Variants in RBFOX2 observed in about 807,000 individuals in gnomAD.
The protein encoded by RBFOX2 is RNA binding fox-1 homolog 2, also known as RNA binding protein fox-1 homolog 2.
A neutral mutation model predicts 49.1 loss-of-function variants in RBFOX2; 10 were observed. The observed-to-expected ratio is 0.20, with a 90% confidence interval of 0.13 to 0.35. The LOEUF is 0.35. Among genes scored for constraint, RBFOX2 ranks in the 10% least tolerant of loss-of-function variants. The pLI is 1.00. For missense variants in RBFOX2, 323 were observed against 486.9 expected, an observed-to-expected ratio of 0.66 and a Z score of 3.17; for synonymous variants, 183 against 187.4, an observed-to-expected ratio of 0.98 and a Z score of 0.19.
At chr22:35,985,688 A>G (rs1016752887) in intron 1 of RBFOX2, among the ~76,000 whole-genome samples, 2 of 152,202 alleles carry the variant, frequency 1.3e-5, no homozygotes, top group Non-Finnish European at 2.9e-5. Flanking sequence ...TAATTCTAAC[A>G]GTCTATGGCT....
upstream of RBFOX2, among the ~76,000 whole-genome samples, chr22:35,845,368 T>A: frequency 6.6e-6 from 1 of 151,694 alleles, no homozygotes; most frequent in African/African-American, 2.4e-5. Context: ...TTAGGCAGAG[T>A]TCAGTCATAT....
chr22:35,827,917 A>G (rs1003144731), intron 1 of RBFOX2, among the ~76,000 whole-genome samples: 4 of 152,232 alleles, frequency 2.6e-5, no homozygotes, highest in Admixed American at 1.3e-4. Flanking sequence ...CTGTAATCCC[A>G]GCACTTTGGG....
At chr22:36,028,617 C>T (rs1296959038) in exon 1 of RBFOX2, among the ~76,000 whole-genome samples, 2 of 149,648 alleles carry the variant, frequency 1.3e-5, no homozygotes, top group African/African-American at 2.4e-5. Context: ...TGACCGCTTG[C>T]TCCCCGCCCG....
chr22:35,828,893 G>A (rs1343523820), intron 1 of RBFOX2, among the ~76,000 whole-genome samples: 1 of 151,818 alleles, frequency 6.6e-6, no homozygotes, highest in Non-Finnish European at 1.5e-5. Context: ...CTACTAAAAA[G>A]ACAAAAAATT....
chr22:35,875,733 G>A (rs1394599871), intron 1 of RBFOX2, among the ~76,000 whole-genome samples: 2 of 148,928 alleles, frequency 1.3e-5, no homozygotes, highest in South Asian at 2.2e-4. Flanking sequence ...GACAAGTCCC[G>A]ACTACCCTTT....
intron 1 of RBFOX2, among the ~76,000 whole-genome samples, chr22:35,827,968 C>T (rs1431457601): frequency 6.6e-6 from 1 of 152,094 alleles, no homozygotes; most frequent in Non-Finnish European, 1.5e-5. Context: ...GGAGTTCGAC[C>T]TGGCCAACAA....
chr22:35,882,657 C>T (rs1355981680), intron 1 of RBFOX2, among the ~76,000 whole-genome samples: 1 of 152,066 alleles, frequency 6.6e-6, no homozygotes, highest in Non-Finnish European at 1.5e-5. Context: ...GAGATAGGAC[C>T]TAGTATACAA....
chr22:35,870,246 T>G (rs906675035), intron 1 of RBFOX2, among the ~76,000 whole-genome samples: 1 of 152,224 alleles, frequency 6.6e-6, no homozygotes, highest in African/African-American at 2.4e-5. Flanking sequence ...CGGTGGCTCA[T>G]GCTTGCCATC....
chr22:35,979,833 A>C (rs1264658959), intron 1 of RBFOX2, among the ~76,000 whole-genome samples: 1 of 152,266 alleles, frequency 6.6e-6, no homozygotes, highest in Non-Finnish European at 1.5e-5. Flanking sequence ...AACAAGTGTC[A>C]GTGCCATACT....
chr22:35,884,290 C>A (rs2046304428), intron 1 of RBFOX2, among the ~76,000 whole-genome samples: 1 of 152,182 alleles, frequency 6.6e-6, no homozygotes, highest in Non-Finnish European at 1.5e-5. Context: ...AGCCACCACA[C>A]CCGGCCTAGT....
intron 1 of RBFOX2, among the ~76,000 whole-genome samples, chr22:35,810,540 A>C (rs1364896618): frequency 4.6e-5 from 7 of 152,226 alleles, no homozygotes. Flanking sequence ...ACACATCCCA[A>C]GAGAAAAACA....
At chr22:35,821,469 A>C (rs112244217) in intron 1 of RBFOX2, among the ~76,000 whole-genome samples, 2 of 151,660 alleles carry the variant, frequency 1.3e-5, no homozygotes, top group Non-Finnish European at 2.9e-5. Flanking sequence ...AGTGGAGGAC[A>C]CCTGCAATCC....
intron 1 of RBFOX2, among the ~76,000 whole-genome samples, chr22:35,908,321 T>C (rs537954481): frequency 6.6e-6 from 1 of 152,300 alleles, no homozygotes; most frequent in African/African-American, 2.4e-5. Context: ...CATCATAAGT[T>C]GAAAATATAG....
intron 1 of RBFOX2, among the ~76,000 whole-genome samples, chr22:35,972,434 C>CA (rs386395333): frequency 0.21 from 28,743 of 139,220 alleles, 4,215 homozygotes; most frequent in African/African-American, 0.43. Flanking sequence ...AATGCTTCCT[C>CA]AAAAAAAAAA....
At chr22:35,938,787 C>A (rs1430720230) in intron 1 of RBFOX2, 60 bp downstream of exon 2, 3 of 1,485,594 alleles carry the variant, frequency 2.0e-6, no homozygotes, top group Admixed American at 3.4e-5. Context: ...ATCATAGCAA[C>A]CCTTTGATGA....
intron 1 of RBFOX2, among the ~76,000 whole-genome samples, chr22:35,837,661 AAATACGCTGG>A (rs1957933091): frequency 6.6e-6 from 1 of 152,206 alleles, no homozygotes; most frequent in Admixed American, 6.5e-5. Context: ...ACAACAAAAC[AAATACGCTGG>A]AATACTGAAA....
At chr22:35,766,310 C>T (rs1471026170) in intron 5 of RBFOX2, among the ~76,000 whole-genome samples, 1 of 152,134 alleles carries the variant, frequency 6.6e-6, no homozygotes, top group Non-Finnish European at 1.5e-5. Context: ...GAGGGTAAAG[C>T]TCCACCATAG....
intron 1 of RBFOX2, among the ~76,000 whole-genome samples, chr22:35,916,602 T>C (rs1378898410): frequency 6.6e-6 from 1 of 152,066 alleles, no homozygotes; most frequent in Non-Finnish European, 1.5e-5. Flanking sequence ...TTGTTAATAG[T>C]AATGAGGAGT....
At position 35,897,356 on chromosome 22, in the gene RBFOX2, G is replaced by A. The variant is rs2047981448; in HGVS notation, c.-34+41491C>T. Reference sequence around the variant, plus strand: ...GAAGCCGCAGCACCTCAATGGCCTTGAGTTCCAGTGGTGTTGCCTGAATAC... The same window carrying A: ...GAAGCCGCAGCACCTCAATGGCCTTAAGTTCCAGTGGTGTTGCCTGAATAC... On this transcript the variant is annotated intron_variant, in intron 1 of 13. Coordinates refer to the RBFOX2 transcript ENST00000359369. The A allele has an allele frequency of 6.3e-6, 8 of 1,267,198 alleles. No homozygotes were observed. The East Asian group carries it at 1.9e-4, about 29-fold the overall frequency. 78.5% of individuals were successfully genotyped at this position (1,267,198 alleles called of 1,614,324 possible). A position where few individuals can be genotyped will look rare whatever the true frequency, so the allele number is the denominator to read the frequency against.
Sources: allele counts gnomAD v4.1 joint callset (sites outside exome capture counted in the v4.1 genomes callset), GRCh38; gene constraint gnomAD v4.1.1; transcripts MANE v1.5; gene names NCBI Gene and HGNC (gene_info 2026-07-23, HGNC 2026-07-21).